KANTR: variants seen among roughly 807,000 people sequenced by gnomAD.
KANTR encodes KDM5C adjacent transcript.
intron 1 of KANTR, among the ~76,000 whole-genome samples, chrX:53,096,623 C>T (rs1432842361): frequency 2.7e-5 from 3 of 110,862 alleles, no homozygotes; most frequent in African/African-American, 6.6e-5. Flanking sequence ...TCCAGGAGTT[C>T]GAGACCAGCC....
intron 2 of KANTR, among the ~76,000 whole-genome samples, chrX:53,104,484 C>T (rs982347508): frequency 1.8e-5 from 2 of 110,473 alleles, no homozygotes; most frequent in Non-Finnish European, 3.8e-5. Flanking sequence ...GCCTCGGCCT[C>T]CCAAACATGA....
chrX:53,097,878 C>T (rs1193362398), intron 1 of KANTR, among the ~76,000 whole-genome samples: 14 of 103,978 alleles, frequency 1.3e-4, no homozygotes, highest in Non-Finnish European at 2.7e-4. Flanking sequence ...TAGTGAAACC[C>T]TGTCTCTACT....
At chrX:53,145,698 C>T (rs1242088452), downstream of KANTR, among the ~76,000 whole-genome samples, 1 of 112,350 alleles carries the variant, frequency 8.9e-6, no homozygotes, top group Non-Finnish European at 1.9e-5. Context: ...GACAGACTGC[C>T]TCCTCAAGTG....
chrX:53,145,399 C>G (rs1255067096), downstream of KANTR, among the ~76,000 whole-genome samples: 3 of 112,143 alleles, frequency 2.7e-5, no homozygotes, highest in Non-Finnish European at 5.6e-5. Context: ...CAGATTCTCG[C>G]TCATTGCTAG....
At position 53,121,283 on chromosome X, in the gene KANTR, G is replaced by A. The variant is rs927527120; in HGVS notation, c.-804-2186G>A. On this transcript the variant is annotated intron_variant, in intron 2 of 2. Transcript: ENST00000604062. ...CCCAAAGTGCTGGGATTATAGGAGT[G>A]AGCCACCATGCCCGGCCCTAAACTT... 2.3e-4 allele frequency among the ~76,000 whole-genome samples: 26 copies of A among 112,034 alleles called. 1 individual carries two copies. Among genetic ancestry groups the A allele is most frequent in the Admixed American group, 1.2e-3 (13 of 10,556 alleles).
chrX:53,101,811 A>G (rs956455696), intron 2 of KANTR, among the ~76,000 whole-genome samples: 7 of 111,810 alleles, frequency 6.3e-5, no homozygotes, highest in African/African-American at 2.3e-4. Flanking sequence ...CAGCGTGGGC[A>G]AGATGGTGAA....
At chrX:53,107,322 T>TTTTG (rs1169896664) in intron 2 of KANTR, among the ~76,000 whole-genome samples, 2 of 97,177 alleles carry the variant, frequency 2.1e-5, no homozygotes, top group African/African-American at 7.8e-5. Flanking sequence ...TTTTTTTTTT[T>TTTTG]TGTAGAGACA....
chrX:53,142,057 G>T (rs1556818536), exon 3 of KANTR: 1 of 132,994 alleles, frequency 7.5e-6, no homozygotes, highest in Admixed American at 8.9e-5. Flanking sequence ...TTAATACCCT[G>T]CACATATTGG....
At chrX:53,124,323 TTTC>T (rs1277772555) in exon 3 of KANTR, 1 of 297,566 alleles carries the variant, frequency 3.4e-6, no homozygotes, top group Non-Finnish European at 5.9e-6. Flanking sequence ...TCTCACTTTT[TTTC>T]TTGATCAATC....
intron 2 of KANTR, among the ~76,000 whole-genome samples, chrX:53,109,415 G>A (rs987957365): frequency 1.1e-4 from 12 of 111,836 alleles, no homozygotes; most frequent in African/African-American, 3.9e-4. Flanking sequence ...CTCCCGAGTA[G>A]CTGGGATTAC....
At chrX:53,147,667 C>A (rs1422471143), downstream of KANTR, among the ~76,000 whole-genome samples, 2 of 110,847 alleles carry the variant, frequency 1.8e-5, no homozygotes, top group Non-Finnish European at 3.8e-5. Flanking sequence ...AATATACATT[C>A]TTTTCAGCAC....
chrX:53,119,147 A>G (rs782459211), intron 2 of KANTR, among the ~76,000 whole-genome samples: 12 of 105,815 alleles, frequency 1.1e-4, no homozygotes, highest in Admixed American at 3.1e-4. Context: ...CCCTGGGCTC[A>G]GGTGATCCTC....
chrX:53,117,530 G>C (rs782350318), intron 2 of KANTR, among the ~76,000 whole-genome samples: 2 of 106,736 alleles, frequency 1.9e-5, no homozygotes, highest in Non-Finnish European at 3.8e-5. Context: ...TTGTGGGGAT[G>C]CTTAACCAAT....
chrX:53,136,693 C>CATATATATATACATATATATATAT, intron 2 of KANTR, among the ~76,000 whole-genome samples: 1 of 9,303 alleles, frequency 1.1e-4, no homozygotes, highest in African/African-American at 1.9e-4. Flanking sequence ...CCACGCCCGG[C>CATATATATATACATATATATATAT]ATATATATAT....
downstream of KANTR, among the ~76,000 whole-genome samples, chrX:53,131,571 C>G (rs1933361421): frequency 8.9e-6 from 1 of 111,777 alleles, no homozygotes; most frequent in Non-Finnish European, 1.9e-5. Flanking sequence ...ACATCCATTC[C>G]TGAGTTTAAA....
intron 1 of KANTR, among the ~76,000 whole-genome samples, chrX:53,098,481 T>C: frequency 9.0e-6 from 1 of 111,596 alleles, no homozygotes; most frequent in Non-Finnish European, 1.9e-5. Context: ...GACTCTTCCT[T>C]TCACAAAGGG....
At chrX:53,094,738 C>G (rs1375914262) in intron 1 of KANTR, 1 of 112,122 alleles carries the variant, frequency 8.9e-6, no homozygotes, top group Admixed American at 9.4e-5. Flanking sequence ...GCCTCAGTTT[C>G]CTCATCTGCC....
At chrX:53,111,773 A>G (rs1367230120) in intron 2 of KANTR, among the ~76,000 whole-genome samples, 1 of 111,331 alleles carries the variant, frequency 9.0e-6, no homozygotes, top group Non-Finnish European at 1.9e-5. Context: ...TCTGCTTATC[A>G]CTAGATACAG....
intron 2 of KANTR, among the ~76,000 whole-genome samples, chrX:53,139,836 CAAAA>C (rs782438180): frequency 6.5e-5 from 7 of 107,496 alleles, no homozygotes; most frequent in Middle Eastern, 4.7e-3. Flanking sequence ...AAAAACAAAA[CAAAA>C]GAAGGAGGAG....
Sources: allele counts gnomAD v4.1 joint callset (sites outside exome capture counted in the v4.1 genomes callset), GRCh38; gene constraint gnomAD v4.1.1; transcripts MANE v1.5; gene names NCBI Gene and HGNC (gene_info 2026-07-23, HGNC 2026-07-21).